SGCZ: variants seen among roughly 807,000 people sequenced by gnomAD.
SGCZ encodes the protein sarcoglycan zeta.
In SGCZ, 40 loss-of-function variants were observed where a neutral mutation model predicts 41.3. That is an observed-to-expected ratio of 0.97 (90% CI 0.75 to 1.26). The LOEUF (loss-of-function observed/expected upper bound fraction) is 1.26. Ranked by LOEUF, SGCZ falls within the 50% of genes most tolerant of loss-of-function variation. SGCZ has a pLI of 0.00. For missense variants in SGCZ, 552 were observed against 369.8 expected, an observed-to-expected ratio of 1.49 and a Z score of -4.04; for synonymous variants, 206 against 137.5, an observed-to-expected ratio of 1.50 and a Z score of -3.49.
chr8:14,874,825 G>A (rs1403713781), intron 1 of SGCZ, among the ~76,000 whole-genome samples: 3 of 152,110 alleles, frequency 2.0e-5, no homozygotes, highest in Non-Finnish European at 4.4e-5. Context: ...ACTTTCTGAG[G>A]TATATTCACC....
chr8:14,906,759 A>G (rs916403901), intron 1 of SGCZ, among the ~76,000 whole-genome samples: 1 of 152,212 alleles, frequency 6.6e-6, no homozygotes, highest in Non-Finnish European at 1.5e-5. Flanking sequence ...GAGACCAACA[A>G]TGAGATGCTT....
At chr8:14,205,822 G>A (rs985185451) in intron 4 of SGCZ, among the ~76,000 whole-genome samples, 1 of 152,010 alleles carries the variant, frequency 6.6e-6, no homozygotes, top group Non-Finnish European at 1.5e-5. Flanking sequence ...GATGCACTGA[G>A]ATTTATAGTC....
At chr8:14,531,963 T>C (rs1803146061) in intron 2 of SGCZ, among the ~76,000 whole-genome samples, 1 of 152,120 alleles carries the variant, frequency 6.6e-6, no homozygotes, top group African/African-American at 2.4e-5. Context: ...ATTCTACATA[T>C]AAAACATAAA....
chr8:15,047,605 C>A (rs979134248), intron 1 of SGCZ, among the ~76,000 whole-genome samples: 1 of 151,974 alleles, frequency 6.6e-6, no homozygotes, highest in Non-Finnish European at 1.5e-5. Context: ...GTACAGGGAT[C>A]TCAGGAGTGT....
At chr8:14,378,608 A>G (rs1585426339) in intron 2 of SGCZ, among the ~76,000 whole-genome samples, 1 of 152,176 alleles carries the variant, frequency 6.6e-6, no homozygotes, top group South Asian at 2.1e-4. Flanking sequence ...CCCCATCAAA[A>G]AGTGGGCGAA....
rs780644376 is a variant in SGCZ at position 14,164,611 on chromosome 8, A to AATC, written c.513_515dup (p.Glu171_Ile172insMet). 66 of 1,613,228 alleles carry AATC rather than the reference A, an allele frequency of 4.1e-5. No homozygotes were observed. Among genetic ancestry groups the AATC allele is most frequent in the Non-Finnish European group, 5.5e-5 (65 of 1,179,476 alleles). On this transcript the variant is annotated inframe_insertion, in exon 5 of 8. Transcript: ENST00000382080. ...CTTTCAGCTTTTCAGCCCCAATGGT[A>AATC]ATCTCATCTTCATCTGCAGAAAACA...
At chr8:14,797,636 G>T (rs940988908) in intron 1 of SGCZ, among the ~76,000 whole-genome samples, 1 of 152,190 alleles carries the variant, frequency 6.6e-6, no homozygotes, top group Non-Finnish European at 1.5e-5. Flanking sequence ...AAGTGACAAG[G>T]AGCTGAATGT....
intron 6 of SGCZ, among the ~76,000 whole-genome samples, chr8:14,105,568 A>G (rs1206438239): frequency 6.6e-6 from 1 of 152,100 alleles, no homozygotes; most frequent in Admixed American, 6.5e-5. Context: ...TTTTCATTAT[A>G]CAAATAAATA....
At chr8:14,416,437 T>C (rs1245937163) in intron 2 of SGCZ, among the ~76,000 whole-genome samples, 1 of 151,942 alleles carries the variant, frequency 6.6e-6, no homozygotes, top group African/African-American at 2.4e-5. Flanking sequence ...CGAAAGAGTA[T>C]TCAAAATTAT....
intron 1 of SGCZ, among the ~76,000 whole-genome samples, chr8:15,002,707 C>T (rs1585459551): frequency 6.6e-6 from 1 of 152,080 alleles, no homozygotes; most frequent in South Asian, 2.1e-4. Context: ...AAAATAGAAC[C>T]ACCGTCACAA....
chr8:14,095,639 G>A (rs562034270), intron 7 of SGCZ, among the ~76,000 whole-genome samples: 2 of 152,270 alleles, frequency 1.3e-5, no homozygotes, highest in African/African-American at 2.4e-5. Flanking sequence ...ATTCTGTGAA[G>A]AATGTCAATG....
chr8:15,006,504 T>A (rs1284334937), intron 1 of SGCZ, among the ~76,000 whole-genome samples: 2 of 152,226 alleles, frequency 1.3e-5, no homozygotes, highest in Non-Finnish European at 2.9e-5. Context: ...AATTTACTGA[T>A]GTTAAGGGAA....
chr8:15,017,993 T>G (rs925796825), intron 1 of SGCZ, among the ~76,000 whole-genome samples: 2 of 152,062 alleles, frequency 1.3e-5, no homozygotes, highest in African/African-American at 4.8e-5. Flanking sequence ...GCCTCCCAAG[T>G]CTCTGGAGTT....
chr8:14,096,528 G>A (rs1024334447), intron 7 of SGCZ, among the ~76,000 whole-genome samples: 1 of 152,058 alleles, frequency 6.6e-6, no homozygotes, highest in African/African-American at 2.4e-5. Context: ...GAGGATTTTC[G>A]AATCGATGTT....
At chr8:14,757,021 C>T (rs1799697177) in intron 1 of SGCZ, among the ~76,000 whole-genome samples, 2 of 152,138 alleles carry the variant, frequency 1.3e-5, no homozygotes. Context: ...CTCTCCTGAA[C>T]TTACTTCACC....
chr8:14,816,487 CTG>C (rs1451286704), intron 1 of SGCZ, among the ~76,000 whole-genome samples: 1 of 152,148 alleles, frequency 6.6e-6, no homozygotes, highest in East Asian at 1.9e-4. Context: ...AGGTATATAA[CTG>C]TGAAATTCAA....
intron 1 of SGCZ, among the ~76,000 whole-genome samples, chr8:15,222,580 T>C (rs1585690157): frequency 6.6e-6 from 1 of 152,188 alleles, no homozygotes; most frequent in East Asian, 1.9e-4. Flanking sequence ...TTAGAAGGAA[T>C]TTTTCACAAT....
intron 1 of SGCZ, among the ~76,000 whole-genome samples, chr8:14,633,448 C>G (rs971067762): frequency 6.6e-6 from 1 of 151,906 alleles, no homozygotes; most frequent in East Asian, 1.9e-4. Flanking sequence ...ATATAACAAG[C>G]ATGAAATAAG....
intron 1 of SGCZ, among the ~76,000 whole-genome samples, chr8:15,149,419 C>G (rs1407458204): frequency 6.6e-6 from 1 of 152,130 alleles, no homozygotes; most frequent in African/African-American, 2.4e-5. Flanking sequence ...ATTTTGCAAA[C>G]CTAGTACCAG....
Sources: allele counts gnomAD v4.1 joint callset (sites outside exome capture counted in the v4.1 genomes callset), GRCh38; gene constraint gnomAD v4.1.1; transcripts MANE v1.5; gene names NCBI Gene and HGNC (gene_info 2026-07-23, HGNC 2026-07-21).